SHISA6: variants seen among roughly 807,000 people sequenced by gnomAD.
The protein encoded by SHISA6 is protein shisa-6.
SHISA6 carries 22 observed loss-of-function variants against 47.9 expected under a neutral mutation model. The observed-to-expected ratio is 0.46, with a 90% CI of 0.33 to 0.66. The LOEUF (loss-of-function observed/expected upper bound fraction) is 0.66. SHISA6 is among the 30% of genes least tolerant of loss of function. The pLI, the probability that SHISA6 is intolerant of heterozygous loss-of-function variation, is 0.02. For missense variants in SHISA6, 680 were observed against 764.6 expected (o/e 0.89, Z 1.30); for synonymous variants, 388 against 337.8 (o/e 1.15, Z -1.63).
At chr17:11,273,352 C>G (rs1161515742) in intron 2 of SHISA6, among the ~76,000 whole-genome samples, 1 of 152,148 alleles carries the variant, frequency 6.6e-6, no homozygotes, top group Non-Finnish European at 1.5e-5. Flanking sequence ...CTCATTTGTC[C>G]CAGTGCATGG....
intron 2 of SHISA6, among the ~76,000 whole-genome samples, chr17:11,358,698 C>G (rs1567583749): frequency 2.7e-5 from 4 of 147,318 alleles, no homozygotes; most frequent in African/African-American, 1.0e-4. Flanking sequence ...ACGTCTCACT[C>G]TGTTGTCCAG....
intron 3 of SHISA6, among the ~76,000 whole-genome samples, chr17:11,431,172 T>C (rs746738472): frequency 5.9e-5 from 9 of 152,132 alleles, no homozygotes; most frequent in Non-Finnish European, 1.0e-4. Flanking sequence ...GCCCAGCAGC[T>C]TGTTCTTCTG....
rs569148364 is a variant in SHISA6, at chr17:11,362,109, C to A, written c.800-17305C>A. 1.5e-4 allele frequency among the ~76,000 whole-genome samples: 23 copies of A among 152,240 alleles called. 1 individual carries two copies. The highest frequency in any genetic ancestry group is 3.4e-3 in the Middle Eastern group (1 of 294). ...TGATGCACTTTCTCATCATTAAGAT[C>A]TCCATTCCTGGGTTCATATTCCTGG... On this transcript the variant is annotated intron_variant, in intron 2 of 5. Transcript: ENST00000441885.
chr17:11,434,217 C>A (rs1441498680), intron 3 of SHISA6, among the ~76,000 whole-genome samples: 1 of 152,012 alleles, frequency 6.6e-6, no homozygotes, highest in Non-Finnish European at 1.5e-5. Flanking sequence ...ATGCGTGCCA[C>A]CACACCCAGC....
intron 3 of SHISA6, among the ~76,000 whole-genome samples, chr17:11,507,118 A>T (rs2071505318): frequency 6.6e-6 from 1 of 152,202 alleles, no homozygotes; most frequent in Non-Finnish European, 1.5e-5. Flanking sequence ...AAAATGAGGA[A>T]GACAATGACA....
At chr17:11,509,738 G>C (rs564554299) in intron 3 of SHISA6, among the ~76,000 whole-genome samples, 1 of 152,318 alleles carries the variant, frequency 6.6e-6, no homozygotes, top group East Asian at 1.9e-4. Flanking sequence ...GGAGTGAGTT[G>C]GGCGGCAGTG....
At chr17:11,396,844 C>T (rs1231245468) in intron 3 of SHISA6, among the ~76,000 whole-genome samples, 1 of 152,132 alleles carries the variant, frequency 6.6e-6, no homozygotes, top group Non-Finnish European at 1.5e-5. Flanking sequence ...ACCAACCTGG[C>T]ACGTGGATAC....
chr17:11,318,821 T>A (rs1310639935), intron 2 of SHISA6, among the ~76,000 whole-genome samples: 2 of 152,218 alleles, frequency 1.3e-5, no homozygotes, highest in East Asian at 3.9e-4. Context: ...GTCTTTATTA[T>A]GTAAATGACT....
intron 3 of SHISA6, among the ~76,000 whole-genome samples, chr17:11,439,348 C>T (rs1168654546): frequency 6.6e-6 from 1 of 152,094 alleles, no homozygotes; most frequent in Non-Finnish European, 1.5e-5. Context: ...GGGCAGTTGT[C>T]ACAGGGGCCA....
chr17:11,373,263 T>A (rs1031957110), intron 2 of SHISA6, among the ~76,000 whole-genome samples: 2 of 152,078 alleles, frequency 1.3e-5, no homozygotes, highest in African/African-American at 4.8e-5. Context: ...GGACACTCTT[T>A]GTGGCCTTTA....
At chr17:11,270,025 G>C (rs1023385630) in intron 2 of SHISA6, among the ~76,000 whole-genome samples, 2 of 152,104 alleles carry the variant, frequency 1.3e-5, no homozygotes, top group African/African-American at 4.8e-5. Flanking sequence ...ATCCAGGCTG[G>C]AGTGCAGTGG....
chr17:11,251,277 C>T (rs970336161), intron 1 of SHISA6, among the ~76,000 whole-genome samples: 6 of 151,996 alleles, frequency 3.9e-5, no homozygotes, highest in African/African-American at 1.2e-4. Flanking sequence ...ACCAGAACGG[C>T]GGCCCCCATT....
chr17:11,307,296 ACTAT>A (rs1168223555), intron 2 of SHISA6, among the ~76,000 whole-genome samples: 1 of 152,038 alleles, frequency 6.6e-6, no homozygotes, highest in Non-Finnish European at 1.5e-5. Flanking sequence ...TGCTTACACA[ACTAT>A]CTGAGTTTCA....
At chr17:11,518,504 C>A (rs973129964) in intron 3 of SHISA6, among the ~76,000 whole-genome samples, 2 of 152,142 alleles carry the variant, frequency 1.3e-5, no homozygotes, top group Non-Finnish European at 2.9e-5. Context: ...AATGTCCACA[C>A]CCTGTGATCT....
chr17:11,432,475 T>C (rs1914808536), intron 3 of SHISA6, among the ~76,000 whole-genome samples: 1 of 152,236 alleles, frequency 6.6e-6, no homozygotes, highest in African/African-American at 2.4e-5. Flanking sequence ...CCACTGCATC[T>C]GAAATATATG....
intron 2 of SHISA6, among the ~76,000 whole-genome samples, chr17:11,300,545 T>A (rs1220569473): frequency 6.6e-6 from 1 of 152,230 alleles, no homozygotes; most frequent in African/African-American, 2.4e-5. Flanking sequence ...AGTTTTCATC[T>A]GGGTGTCACA....
intron 3 of SHISA6, among the ~76,000 whole-genome samples, chr17:11,389,608 C>A (rs72807135): frequency 0.013 from 1,907 of 152,278 alleles, 19 homozygotes; most frequent in Middle Eastern, 0.051. Flanking sequence ...GGAGAGAGGG[C>A]GGAGTTCTGT....
intron 2 of SHISA6, among the ~76,000 whole-genome samples, chr17:11,320,669 AAGAG>A (rs59186157): frequency 5.3e-4 from 26 of 49,010 alleles, no homozygotes; most frequent in East Asian, 2.1e-3. Context: ...CAAAAAAAAA[AAGAG>A]AGAGAGAGAG....
At chr17:11,517,338 C>T (rs544731548) in intron 3 of SHISA6, among the ~76,000 whole-genome samples, 1 of 152,282 alleles carries the variant, frequency 6.6e-6, no homozygotes, top group South Asian at 2.1e-4. Context: ...ATCTTGCACT[C>T]AGTAAATTGG....
Sources: allele counts gnomAD v4.1 joint callset (sites outside exome capture counted in the v4.1 genomes callset), GRCh38; gene constraint gnomAD v4.1.1; transcripts MANE v1.5; gene names NCBI Gene and HGNC (gene_info 2026-07-23, HGNC 2026-07-21).